The following PLD5 variants were observed in gnomAD, a reference collection of about 807,000 sequenced individuals.
The protein encoded by PLD5 is inactive phospholipase D5.
In PLD5, 36 loss-of-function variants were observed where a neutral mutation model predicts 61.1. The observed-to-expected ratio is 0.59, with a 90% confidence interval of 0.45 to 0.78. The LOEUF is 0.78. Ranked by LOEUF, PLD5 falls within the 30% of genes least tolerant of loss-of-function variation. PLD5 has a pLI of 0.00. For synonymous variants in PLD5, 243 were observed against 242.8 expected, an observed-to-expected ratio of 1.00 and a Z score of -0.01; for missense variants, 515 against 644.4, an observed-to-expected ratio of 0.80 and a Z score of 2.17.
intron 1 of PLD5, among the ~76,000 whole-genome samples, chr1:242,491,643 C>T (rs1668155006): frequency 6.6e-6 from 1 of 152,150 alleles, no homozygotes; most frequent in Non-Finnish European, 1.5e-5. Context: ...TTTTCTTGTG[C>T]TCTCAACCTT....
At chr1:242,151,864 T>C (rs1003174373) in intron 5 of PLD5, among the ~76,000 whole-genome samples, 4 of 152,130 alleles carry the variant, frequency 2.6e-5, no homozygotes, top group Non-Finnish European at 5.9e-5. Context: ...TATTTTGAGA[T>C]AATTTTAGAC....
At chr1:242,428,734 C>G (rs1268985348) in intron 1 of PLD5, among the ~76,000 whole-genome samples, 4 of 149,032 alleles carry the variant, frequency 2.7e-5, no homozygotes, top group Non-Finnish European at 6.0e-5. Flanking sequence ...GAAAAAAAAA[C>G]CTTGTAGAAC....
Position 242,211,910 on chromosome 1 carries a change from C to T in PLD5, c.735+8078G>A, listed in dbSNP as rs140980153. 9.9e-5 allele frequency among the ~76,000 whole-genome samples: 15 copies of T among 152,248 alleles called. 1 individual carries two copies. Among genetic ancestry groups the T allele is most frequent in the African/African-American group, 3.6e-4 (15 of 41,550 alleles). On this transcript the variant is annotated intron_variant, in intron 5 of 9. Transcript: ENST00000536534. Reference sequence around the variant, plus strand: ...TAGTGGAGCCTATGTTTGGCAGGCTCAATTAAGGGACCTAATGCAAACTGT... The same window carrying T: ...TAGTGGAGCCTATGTTTGGCAGGCTTAATTAAGGGACCTAATGCAAACTGT...
At chr1:242,481,393 C>A (rs781626340) in intron 1 of PLD5, among the ~76,000 whole-genome samples, 1 of 152,170 alleles carries the variant, frequency 6.6e-6, no homozygotes, top group Non-Finnish European at 1.5e-5. Flanking sequence ...TCTTAGCAAA[C>A]GGCACACCAG....
intron 1 of PLD5, among the ~76,000 whole-genome samples, chr1:242,513,849 T>C (rs1443142973): frequency 6.6e-6 from 1 of 152,208 alleles, no homozygotes; most frequent in Non-Finnish European, 1.5e-5. Context: ...CAATAAACGT[T>C]TCCTGAATGA....
At chr1:242,268,351 A>G (rs1673838323) in intron 3 of PLD5, among the ~76,000 whole-genome samples, 1 of 152,150 alleles carries the variant, frequency 6.6e-6, no homozygotes, top group African/African-American at 2.4e-5. Flanking sequence ...ATTTTTTGGC[A>G]AATTCATTTA....
At chr1:242,152,298 A>T (rs1664988889) in intron 5 of PLD5, among the ~76,000 whole-genome samples, 1 of 151,970 alleles carries the variant, frequency 6.6e-6, no homozygotes, top group African/African-American at 2.4e-5. Flanking sequence ...TCCCTCTCCC[A>T]GTTTTAAGAA....
chr1:242,456,682 C>A (rs563561755), intron 1 of PLD5, among the ~76,000 whole-genome samples: 21 of 152,270 alleles, frequency 1.4e-4, no homozygotes, highest in African/African-American at 4.8e-4. Flanking sequence ...TGAATATTGG[C>A]TTCTGCTGTG....
intron 5 of PLD5, among the ~76,000 whole-genome samples, chr1:242,160,308 C>T (rs1665724371): frequency 6.6e-6 from 1 of 151,724 alleles, no homozygotes; most frequent in South Asian, 2.1e-4. Flanking sequence ...GGCAGATGGC[C>T]CACAGGCTTT....
chr1:242,524,934 A>G (rs1470015288), upstream of PLD5, among the ~76,000 whole-genome samples: 1 of 151,884 alleles, frequency 6.6e-6, no homozygotes, highest in African/African-American at 2.4e-5. Flanking sequence ...CGAGGGGAGA[A>G]GTGAGCGCCG....
intron 1 of PLD5, among the ~76,000 whole-genome samples, chr1:242,427,079 G>GAA (rs1665469498): frequency 6.6e-6 from 1 of 152,132 alleles, no homozygotes; most frequent in Admixed American, 6.5e-5. Flanking sequence ...TTCCAATCAA[G>GAA]AAAACTCATC....
At chr1:242,374,467 C>T (rs890513523) in intron 1 of PLD5, among the ~76,000 whole-genome samples, 1 of 152,136 alleles carries the variant, frequency 6.6e-6, no homozygotes, top group East Asian at 1.9e-4. Context: ...TTGACCTTCA[C>T]CTGCTCGCCT....
chr1:242,471,380 C>G (rs1052162405), intron 1 of PLD5, among the ~76,000 whole-genome samples: 2 of 152,168 alleles, frequency 1.3e-5, no homozygotes, highest in Admixed American at 1.3e-4. Context: ...AGGAGCCAAT[C>G]CCATTGCAGC....
At position 242,083,189 on chromosome 1, in the gene PLD5, C is replaced by T. The variant is rs147726904; in HGVS notation, c.*6665G>A. On this transcript the variant is annotated 3_prime_UTR_variant, in exon 10 of 10. Transcript: ENST00000536534. ...GTCACTGTTCTCAGAGTCACCATTA[C>T]GGTGACTGTGTCTATTCTGGCTGTG... 8 of 152,184 alleles carry T rather than the reference C, an allele frequency of 5.3e-5. No homozygotes were observed. Among genetic ancestry groups the T allele is most frequent in the African/African-American group, 7.2e-5 (3 of 41,432 alleles). 9.4% of individuals were successfully genotyped at this position (152,184 alleles called of 1,614,324 possible).
At chr1:242,495,759 A>G (rs995671336) in intron 1 of PLD5, among the ~76,000 whole-genome samples, 1 of 152,216 alleles carries the variant, frequency 6.6e-6, no homozygotes, top group African/African-American at 2.4e-5. Context: ...ATCTAGAGTT[A>G]GGCTGCTTGT....
intron 5 of PLD5, among the ~76,000 whole-genome samples, chr1:242,155,377 C>T (rs543150596): frequency 1.3e-5 from 2 of 152,114 alleles, no homozygotes; most frequent in African/African-American, 4.8e-5. Context: ...ATAGTTATTT[C>T]TTGTCTTCTG....
chr1:242,367,359 T>C (rs1661401441), intron 1 of PLD5, among the ~76,000 whole-genome samples: 1 of 152,184 alleles, frequency 6.6e-6, no homozygotes, highest in South Asian at 2.1e-4. Flanking sequence ...GAAAGAGCTC[T>C]GGAATGACTG....
At chr1:242,369,099 G>C (rs1293110726) in intron 1 of PLD5, among the ~76,000 whole-genome samples, 1 of 152,118 alleles carries the variant, frequency 6.6e-6, no homozygotes, top group Non-Finnish European at 1.5e-5. Context: ...TCAGATCAAA[G>C]TTCCTCAATG....
At chr1:242,246,093 A>G (rs1190657891) in intron 4 of PLD5, among the ~76,000 whole-genome samples, 2 of 152,120 alleles carry the variant, frequency 1.3e-5, no homozygotes, top group African/African-American at 4.8e-5. Context: ...TCAAGAGGTT[A>G]AATAACTCAC....
Sources: allele counts gnomAD v4.1 joint callset (sites outside exome capture counted in the v4.1 genomes callset), GRCh38; gene constraint gnomAD v4.1.1; transcripts MANE v1.5; gene names NCBI Gene and HGNC (gene_info 2026-07-23, HGNC 2026-07-21).